The following WDPCP variants were observed in gnomAD, a reference collection of about 807,000 sequenced individuals.
WDPCP encodes WD repeat-containing and planar cell polarity effector protein fritz homolog.
Under a neutral mutation model 93.1 loss-of-function variants are expected in WDPCP, and 71 were observed. The ratio of observed to expected loss-of-function variants is 0.76; its 90% CI spans 0.63 to 0.93. WDPCP has a LOEUF of 0.93. WDPCP is among the 40% of genes least tolerant of loss of function. The probability of loss-of-function intolerance (pLI) is 0.00; values close to 1 mark genes in which losing one functional copy is unlikely to be tolerated. For missense variants in WDPCP, 844 were observed against 887.4 expected, an observed-to-expected ratio of 0.95 and a Z score of 0.62; for synonymous variants, 315 against 315.0, an observed-to-expected ratio of 1.00 and a Z score of 0.00.
chr2:63,383,797 A>C (rs1692514371), intron 10 of WDPCP, among the ~76,000 whole-genome samples: 1 of 152,198 alleles, frequency 6.6e-6, no homozygotes, highest in African/African-American at 2.4e-5. Flanking sequence ...AAAATCAGTA[A>C]GTATAGGAAA....
intron 13 of WDPCP, among the ~76,000 whole-genome samples, chr2:63,291,702 G>A (rs1254859227): frequency 3.3e-5 from 5 of 152,088 alleles, no homozygotes; most frequent in Non-Finnish European, 5.9e-5. Flanking sequence ...CCAGGTACTT[G>A]GGAGGGAGAG....
At chr2:63,142,950 A>C (rs191333702) in intron 17 of WDPCP, among the ~76,000 whole-genome samples, 78 of 151,336 alleles carry the variant, frequency 5.2e-4, no homozygotes, top group African/African-American at 1.6e-3. Flanking sequence ...ACACACACAC[A>C]CCCATCTATA....
intron 2 of WDPCP, among the ~76,000 whole-genome samples, chr2:63,721,161 T>C (rs1365587862): frequency 2.6e-5 from 4 of 152,248 alleles, no homozygotes; most frequent in East Asian, 1.9e-4. Flanking sequence ...TCAAGGAAAA[T>C]TGGCATGACT....
chr2:63,702,151 G>A (rs982940886), intron 2 of WDPCP, among the ~76,000 whole-genome samples: 2 of 151,956 alleles, frequency 1.3e-5, no homozygotes, highest in Admixed American at 6.6e-5. Context: ...TCAGCCTCCC[G>A]AGTAGCTGGG....
intron 1 of WDPCP, among the ~76,000 whole-genome samples, chr2:63,548,089 C>T (rs1705288563): frequency 6.6e-6 from 1 of 151,766 alleles, no homozygotes; most frequent in African/African-American, 2.4e-5. Context: ...AAACTTAAGA[C>T]ATATAACTCA....
chr2:63,320,150 G>A (rs925052656), intron 12 of WDPCP, among the ~76,000 whole-genome samples: 4 of 151,946 alleles, frequency 2.6e-5, no homozygotes, highest in African/African-American at 9.7e-5. Flanking sequence ...AACAATAGCA[G>A]AATAATCTCA....
chr2:63,182,188 T>C (rs530518555), intron 14 of WDPCP, among the ~76,000 whole-genome samples: 78 of 152,260 alleles, frequency 5.1e-4, no homozygotes, highest in African/African-American at 1.8e-3. Context: ...GTATGTTGAA[T>C]AGGAGTGGTG....
intron 15 of WDPCP, among the ~76,000 whole-genome samples, chr2:63,173,485 C>T (rs1673559143): frequency 6.6e-6 from 1 of 152,150 alleles, no homozygotes; most frequent in African/African-American, 2.4e-5. Context: ...CAGAGTTCTC[C>T]CACCCTCAGC....
intron 1 of WDPCP, among the ~76,000 whole-genome samples, chr2:63,517,490 TGA>T (rs1269250742): frequency 3.9e-5 from 6 of 152,138 alleles, no homozygotes; most frequent in Non-Finnish European, 8.8e-5. Flanking sequence ...ATCCCACAGA[TGA>T]ATAGTTTTCA....
At chr2:63,715,649 G>T (rs1669326589) in intron 2 of WDPCP, among the ~76,000 whole-genome samples, 1 of 152,138 alleles carries the variant, frequency 6.6e-6, no homozygotes, top group African/African-American at 2.4e-5. Flanking sequence ...ATAGAAAAAT[G>T]GTATATTTGT....
chr2:63,714,402 C>A (rs966547760), intron 2 of WDPCP, among the ~76,000 whole-genome samples: 5 of 152,076 alleles, frequency 3.3e-5, no homozygotes, highest in Admixed American at 6.5e-5. Flanking sequence ...TCCTCAGGTT[C>A]AGGGGACTAT....
intron 14 of WDPCP, among the ~76,000 whole-genome samples, chr2:63,186,279 G>C (rs1674633789): frequency 6.6e-6 from 1 of 152,170 alleles, no homozygotes; most frequent in Non-Finnish European, 1.5e-5. Flanking sequence ...GTTCCACAAA[G>C]GGGGAAAGCC....
intron 10 of WDPCP, among the ~76,000 whole-genome samples, chr2:63,398,641 A>G (rs949913909): frequency 1.3e-5 from 2 of 152,182 alleles, no homozygotes; most frequent in Non-Finnish European, 2.9e-5. Flanking sequence ...GGCATTAGGC[A>G]CTGTCACGTT....
intron 1 of WDPCP, among the ~76,000 whole-genome samples, chr2:63,528,965 T>C (rs780060417): frequency 6.6e-6 from 1 of 152,224 alleles, no homozygotes; most frequent in African/African-American, 2.4e-5. Context: ...TATTTTATTC[T>C]CTTTGAAGGA....
At chr2:63,390,245 C>T (rs1005595270) in intron 10 of WDPCP, among the ~76,000 whole-genome samples, 3 of 152,106 alleles carry the variant, frequency 2.0e-5, no homozygotes, top group Non-Finnish European at 2.9e-5. Flanking sequence ...AAGAAACTCA[C>T]TCAAAACCGC....
intron 3 of WDPCP, among the ~76,000 whole-genome samples, chr2:63,640,346 T>A (rs1161674766): frequency 6.6e-6 from 1 of 152,164 alleles, no homozygotes; most frequent in Non-Finnish European, 1.5e-5. Flanking sequence ...CATGAAAAAT[T>A]AGCTGCATGT....
intron 3 of WDPCP, among the ~76,000 whole-genome samples, chr2:63,633,572 A>C (rs1380673286): frequency 6.6e-6 from 1 of 152,204 alleles, no homozygotes; most frequent in Non-Finnish European, 1.5e-5. Flanking sequence ...GGTAACAACA[A>C]AGTACAAATC....
At chr2:63,839,841 G>A in the WDPCP span, among the ~76,000 whole-genome samples, 7 of 152,170 alleles carry the variant, frequency 4.6e-5, no homozygotes, top group Non-Finnish European at 4.4e-5. Flanking sequence ...TTCGTTTTAC[G>A]GCCGAGAGGT....
At chr2:63,419,195 T>C (rs1007588045) in intron 9 of WDPCP, among the ~76,000 whole-genome samples, 1 of 152,224 alleles carries the variant, frequency 6.6e-6, no homozygotes, top group African/African-American at 2.4e-5. Context: ...CAGGTTGGGG[T>C]GCAGTGCTGT....
Sources: gnomAD v4.1 joint callset for allele counts (sites outside exome capture counted in the v4.1 genomes callset) on GRCh38, gnomAD v4.1.1 for gene constraint, MANE v1.5 for transcripts, NCBI Gene and HGNC (gene_info 2026-07-23, HGNC 2026-07-21) for gene names.